Variants in SGCZ observed in about 807,000 individuals in gnomAD.
The protein encoded by SGCZ is zeta-sarcoglycan.
SGCZ carries 40 observed loss-of-function variants against 41.3 expected under a neutral mutation model. The ratio of observed to expected loss-of-function variants is 0.97; its 90% CI spans 0.75 to 1.26. SGCZ has a LOEUF of 1.26. SGCZ is among the 50% of genes most tolerant of loss of function. SGCZ has a pLI of 0.00. For synonymous variants in SGCZ, 206 were observed against 137.5 expected (o/e 1.50, Z -3.49); for missense variants, 552 against 369.8 (o/e 1.49, Z -4.04).
At chr8:14,884,907 A>G (rs1804731622) in intron 1 of SGCZ, among the ~76,000 whole-genome samples, 1 of 152,074 alleles carries the variant, frequency 6.6e-6, no homozygotes, top group South Asian at 2.1e-4. Context: ...AGACAGGCAG[A>G]CAGGCGCGTG....
At chr8:15,078,272 G>A (rs563116952) in intron 1 of SGCZ, among the ~76,000 whole-genome samples, 9 of 142,658 alleles carry the variant, frequency 6.3e-5, no homozygotes, top group Non-Finnish European at 1.0e-4. Context: ...GAACTAAGCA[G>A]CAAAAAATCC....
intron 1 of SGCZ, among the ~76,000 whole-genome samples, chr8:14,995,693 C>G (rs1055954075): frequency 6.6e-6 from 1 of 152,142 alleles, no homozygotes; most frequent in Non-Finnish European, 1.5e-5. Flanking sequence ...TTAAGTTCAG[C>G]GTCTTCACAT....
intron 4 of SGCZ, among the ~76,000 whole-genome samples, chr8:14,170,528 G>C (rs1035857846): frequency 6.6e-6 from 1 of 152,040 alleles, no homozygotes; most frequent in Non-Finnish European, 1.5e-5. Flanking sequence ...AATTTTAAGA[G>C]GATAAGGTAA....
intron 2 of SGCZ, among the ~76,000 whole-genome samples, chr8:14,412,656 T>C (rs1799391369): frequency 6.6e-6 from 1 of 152,062 alleles, no homozygotes; most frequent in African/African-American, 2.4e-5. Flanking sequence ...TCTTGTGCTA[T>C]TCATTTCAAT....
intron 4 of SGCZ, among the ~76,000 whole-genome samples, chr8:14,197,427 C>A (rs1460238263): frequency 6.6e-6 from 1 of 151,638 alleles, no homozygotes; most frequent in African/African-American, 2.4e-5. Context: ...TCAAATAAAG[C>A]AATATTAATA....
chr8:14,195,991 C>T (rs1805255534), intron 4 of SGCZ, among the ~76,000 whole-genome samples: 1 of 152,012 alleles, frequency 6.6e-6, no homozygotes, highest in African/African-American at 2.4e-5. Context: ...CCTGAGTAAA[C>T]ACAATTTTCT....
At chr8:14,333,621 G>A (rs188761924) in intron 2 of SGCZ, among the ~76,000 whole-genome samples, 1 of 152,194 alleles carries the variant, frequency 6.6e-6, no homozygotes, top group African/African-American at 2.4e-5. Flanking sequence ...ACATTCAGAT[G>A]AGTTTGCAGT....
intron 1 of SGCZ, among the ~76,000 whole-genome samples, chr8:14,624,183 A>G (rs1172446007): frequency 6.6e-6 from 1 of 152,166 alleles, no homozygotes; most frequent in Non-Finnish European, 1.5e-5. Flanking sequence ...ACACATGTAC[A>G]GCAATATTTT....
intron 1 of SGCZ, among the ~76,000 whole-genome samples, chr8:14,596,626 T>C (rs990716924): frequency 2.6e-5 from 4 of 152,104 alleles, no homozygotes; most frequent in Admixed American, 2.0e-4. Context: ...CACTGAATGA[T>C]TAGTTTAGAA....
At chr8:15,221,198 A>G (rs1801589396) in intron 1 of SGCZ, among the ~76,000 whole-genome samples, 1 of 152,192 alleles carries the variant, frequency 6.6e-6, no homozygotes, top group Non-Finnish European at 1.5e-5. Context: ...CATTTACTCT[A>G]AGAAGTCAAA....
intron 2 of SGCZ, among the ~76,000 whole-genome samples, chr8:14,368,550 T>C (rs1454802727): frequency 6.6e-6 from 1 of 152,078 alleles, no homozygotes; most frequent in Non-Finnish European, 1.5e-5. Context: ...TTTAGTACAC[T>C]CTTGGAGGGA....
intron 1 of SGCZ, among the ~76,000 whole-genome samples, chr8:14,900,612 G>A (rs945756741): frequency 7.9e-5 from 12 of 152,062 alleles, no homozygotes; most frequent in East Asian, 1.9e-4. Context: ...CATCAATACC[G>A]AAAACCTTCA....
intron 2 of SGCZ, among the ~76,000 whole-genome samples, chr8:14,344,256 T>A (rs1361521315): frequency 6.6e-6 from 1 of 152,002 alleles, no homozygotes; most frequent in African/African-American, 2.4e-5. Flanking sequence ...GCTATTTTAA[T>A]TGAAGAATAA....
At chr8:14,493,355 C>CTT (rs1563365484) in intron 2 of SGCZ, among the ~76,000 whole-genome samples, 1 of 66,242 alleles carries the variant, frequency 1.5e-5, no homozygotes, top group Non-Finnish European at 3.0e-5. Flanking sequence ...CACTATCATC[C>CTT]TTTCTTTTTT....
intron 2 of SGCZ, among the ~76,000 whole-genome samples, chr8:14,439,611 A>C (rs76629452): frequency 0.099 from 15,024 of 151,796 alleles, 840 homozygotes; most frequent in Non-Finnish European, 0.14. Context: ...CCATGAATGC[A>C]AGCTTAGCTC....
chr8:14,510,051 C>G (rs1802423871), intron 2 of SGCZ, among the ~76,000 whole-genome samples: 1 of 152,020 alleles, frequency 6.6e-6, no homozygotes, highest in South Asian at 2.1e-4. Context: ...CCATATGATT[C>G]CACCCCTGGC....
intron 1 of SGCZ, among the ~76,000 whole-genome samples, chr8:15,173,613 G>A (rs1799913853): frequency 6.6e-6 from 1 of 152,166 alleles, no homozygotes; most frequent in Non-Finnish European, 1.5e-5. Context: ...CTCATTTTAT[G>A]TGGTATTCTT....
chr8:14,378,281 T>A (rs1176483062), intron 2 of SGCZ, among the ~76,000 whole-genome samples: 1 of 152,032 alleles, frequency 6.6e-6, no homozygotes, highest in Admixed American at 6.5e-5. Context: ...TGATGGCCAG[T>A]GATGGTGAGC....
At chr8:15,177,004 A>G (rs1245232538) in intron 1 of SGCZ, among the ~76,000 whole-genome samples, 2 of 152,210 alleles carry the variant, frequency 1.3e-5, no homozygotes, top group African/African-American at 4.8e-5. Context: ...TTGTTTCAAA[A>G]AAAAGAAAAA....
Sources: allele counts gnomAD v4.1 joint callset (sites outside exome capture counted in the v4.1 genomes callset), GRCh38; gene constraint gnomAD v4.1.1; transcripts MANE v1.5; gene names NCBI Gene and HGNC (gene_info 2026-07-23, HGNC 2026-07-21).